NEXMIF: variants seen among roughly 807,000 people sequenced by gnomAD.
NEXMIF encodes XLMR protein related to neurite extension.
A neutral mutation model predicts 62.1 loss-of-function variants in NEXMIF; 8 were observed. The ratio of observed to expected loss-of-function variants is 0.13; its 90% CI spans 0.08 to 0.23. The LOEUF (loss-of-function observed/expected upper bound fraction) is 0.23, where lower values mean the gene tolerates loss of function less well. NEXMIF is among the 10% of genes least tolerant of loss of function. The pLI is 1.00. For synonymous variants in NEXMIF, 404 were observed against 416.6 expected (o/e 0.97, Z 0.37); for missense variants, 976 against 1,113.3 (o/e 0.88, Z 1.75).
At chrX:74,847,215 G>A (rs1196446776) in intron 1 of NEXMIF, among the ~76,000 whole-genome samples, 5 of 112,376 alleles carry the variant, frequency 4.4e-5, no homozygotes, top group Non-Finnish European at 9.4e-5. Flanking sequence ...TTCAGGTTAA[G>A]AGAGAAGATG....
intron 1 of NEXMIF, among the ~76,000 whole-genome samples, chrX:74,779,124 A>G (rs2080237837): frequency 8.9e-6 from 1 of 112,481 alleles, no homozygotes; most frequent in Non-Finnish European, 1.9e-5. Flanking sequence ...GGGAACTTAT[A>G]TCTTAAGCCT....
chrX:74,874,885 T>G (rs542382945), intron 1 of NEXMIF, among the ~76,000 whole-genome samples: 86 of 107,804 alleles, frequency 8.0e-4, no homozygotes, highest in Middle Eastern at 4.7e-3. Flanking sequence ...AGCTTAAGGA[T>G]ATTTTGGGCT....
intron 1 of NEXMIF, among the ~76,000 whole-genome samples, chrX:74,883,733 T>G (rs1385668950): frequency 8.9e-6 from 1 of 111,929 alleles, no homozygotes; most frequent in Non-Finnish European, 1.9e-5. Flanking sequence ...CAGGATATTC[T>G]CCAGGAGAAC....
At chrX:74,879,092 C>G (rs1438822097) in intron 1 of NEXMIF, among the ~76,000 whole-genome samples, 1 of 112,291 alleles carries the variant, frequency 8.9e-6, no homozygotes, top group African/African-American at 3.2e-5. Context: ...GTATCCAGTA[C>G]AGTAACATGC....
chrX:74,840,356 T>C (rs752187105), intron 1 of NEXMIF, among the ~76,000 whole-genome samples: 1 of 111,057 alleles, frequency 9.0e-6, no homozygotes, highest in Non-Finnish European at 1.9e-5. Context: ...TCCCATTCTG[T>C]AGGTTGCAAA....
intron 1 of NEXMIF, among the ~76,000 whole-genome samples, chrX:74,788,442 C>T (rs1414490173): frequency 9.0e-6 from 1 of 111,345 alleles, no homozygotes; most frequent in Admixed American, 9.6e-5. Context: ...TCTCTGACAA[C>T]AGCCCTGTGA....
At chrX:74,851,032 A>G (rs1438705401) in intron 1 of NEXMIF, among the ~76,000 whole-genome samples, 1 of 110,062 alleles carries the variant, frequency 9.1e-6, no homozygotes, top group Non-Finnish European at 1.9e-5. Flanking sequence ...AAAAAAAGAA[A>G]CAAACAGAAA....
chrX:74,878,477 C>T (rs773084275), intron 1 of NEXMIF, among the ~76,000 whole-genome samples: 2 of 112,851 alleles, frequency 1.8e-5, no homozygotes, highest in South Asian at 7.2e-4. Flanking sequence ...GTGGAGCCTA[C>T]AGAGGCAGGC....
At chrX:74,794,657 G>T (rs935305526) in intron 1 of NEXMIF, among the ~76,000 whole-genome samples, 3 of 112,318 alleles carry the variant, frequency 2.7e-5, no homozygotes, top group Middle Eastern at 4.6e-3. Context: ...CTCCAAGCCA[G>T]GTGCGGGATA....
At chrX:74,782,426 C>G (rs1405261299) in intron 1 of NEXMIF, among the ~76,000 whole-genome samples, 1 of 111,308 alleles carries the variant, frequency 9.0e-6, no homozygotes, top group East Asian at 2.8e-4. Context: ...GGTTCAGGGT[C>G]TTAGGTCCCT....
At chrX:74,856,803 C>T (rs999772224) in intron 1 of NEXMIF, among the ~76,000 whole-genome samples, 20 of 111,865 alleles carry the variant, frequency 1.8e-4, no homozygotes, top group African/African-American at 6.2e-4. Context: ...TGACCCCTCC[C>T]CCATTCCCCC....
chrX:74,829,777 A>T (rs899934377), intron 1 of NEXMIF, among the ~76,000 whole-genome samples: 4 of 111,497 alleles, frequency 3.6e-5, no homozygotes, highest in African/African-American at 1.3e-4. Context: ...TTCTCATTGT[A>T]CCTTTGATCA....
chrX:74,749,854 T>C (rs1012315817), intron 1 of NEXMIF, among the ~76,000 whole-genome samples: 1 of 112,018 alleles, frequency 8.9e-6, no homozygotes, highest in Admixed American at 9.6e-5. Context: ...GCTCACATAG[T>C]GCTTATAACA....
At position 74,735,887 on chromosome X, in the gene NEXMIF, C is replaced by A. The variant is rs2080083903; in HGVS notation, c.*3518G>T. 1 of 111,679 alleles carries A rather than the reference C, an allele frequency of 9.0e-6. No homozygotes were observed. Among genetic ancestry groups the A allele is most frequent in the Non-Finnish European group, 1.9e-5 (1 of 53,108 alleles). The allele number at this position is 111,679 out of a possible 1,213,427, so 9.2% of individuals were successfully genotyped here. ...GTTATCACAGCCCAAACATGACCCC[C>A]AAAGTCTCAATACCCTTCTCCATAT... On this transcript the variant is annotated 3_prime_UTR_variant, in exon 4 of 4. Transcript: ENST00000055682.
intron 1 of NEXMIF, among the ~76,000 whole-genome samples, chrX:74,811,931 G>C (rs1289062692): frequency 8.9e-6 from 1 of 112,756 alleles, no homozygotes; most frequent in East Asian, 2.8e-4. Context: ...AGTAAGGTGG[G>C]GTGGGTGGAT....
At chrX:74,887,138 C>T (rs1234127703) in intron 1 of NEXMIF, among the ~76,000 whole-genome samples, 1 of 112,234 alleles carries the variant, frequency 8.9e-6, no homozygotes, top group Non-Finnish European at 1.9e-5. Context: ...ACACCTTATA[C>T]AAAAATTAAT....
intron 1 of NEXMIF, among the ~76,000 whole-genome samples, chrX:74,774,774 C>T (rs977496576): frequency 9.0e-6 from 1 of 111,183 alleles, no homozygotes; most frequent in Non-Finnish European, 1.9e-5. Flanking sequence ...CAAGATACCA[C>T]CAGTAAGAAG....
chrX:74,835,367 G>A (rs750117686), intron 1 of NEXMIF, among the ~76,000 whole-genome samples: 1 of 111,340 alleles, frequency 9.0e-6, no homozygotes, highest in Non-Finnish European at 1.9e-5. Context: ...GCTTGTAGAT[G>A]TTCACCGGTG....
intron 1 of NEXMIF, among the ~76,000 whole-genome samples, chrX:74,804,060 A>G (rs1397393337): frequency 3.6e-5 from 4 of 112,291 alleles, no homozygotes; most frequent in South Asian, 7.3e-4. Context: ...TAAGTAGAAG[A>G]CTAACAATGA....
Sources: allele counts gnomAD v4.1 joint callset (sites outside exome capture counted in the v4.1 genomes callset), GRCh38; gene constraint gnomAD v4.1.1; transcripts MANE v1.5; gene names NCBI Gene and HGNC (gene_info 2026-07-23, HGNC 2026-07-21).